ZFAND3: variants seen among roughly 807,000 people sequenced by gnomAD.
ZFAND3 encodes the protein AN1-type zinc finger protein 3.
Under a neutral mutation model 29.6 loss-of-function variants are expected in ZFAND3, and 10 were observed. The ratio of observed to expected loss-of-function variants is 0.34; its 90% CI spans 0.21 to 0.57. The LOEUF (loss-of-function observed/expected upper bound fraction) is 0.57, where lower values mean the gene tolerates loss of function less well. Ranked by LOEUF, ZFAND3 falls within the 20% of genes least tolerant of loss-of-function variation. ZFAND3 has a pLI of 0.86. For synonymous variants in ZFAND3, 128 were observed against 112.6 expected, an observed-to-expected ratio of 1.14 and a Z score of -0.87; for missense variants, 230 against 304.5, an observed-to-expected ratio of 0.76 and a Z score of 1.82.
chr6:37,905,006 A>G (rs1257061056), intron 1 of ZFAND3, among the ~76,000 whole-genome samples: 1 of 152,180 alleles, frequency 6.6e-6, no homozygotes, highest in Non-Finnish European at 1.5e-5. Context: ...TCTTAAAGGT[A>G]ATATAAGTAC....
rs530288810 is a variant in ZFAND3 at position 37,890,290 on chromosome 6, T to A, written c.72-39669T>A. Among the ~76,000 whole-genome samples the A allele has an allele frequency of 5.9e-5, 9 of 152,338 alleles. No homozygotes were observed. In the East Asian group the frequency reaches 1.7e-3, roughly 29 times the overall value. On this transcript the variant is annotated intron_variant, in intron 1 of 5. Transcript: ENST00000287218. The stretch of plus-strand genomic sequence containing the variant: ...TAAATAGCACTTCAGTTTGAGTCCC[T>A]ATAGGTTGACTATTATCAAATTTGA...
At chr6:37,858,833 T>G (rs1764429254) in intron 1 of ZFAND3, among the ~76,000 whole-genome samples, 1 of 152,258 alleles carries the variant, frequency 6.6e-6, no homozygotes, top group Non-Finnish European at 1.5e-5. Context: ...TAATGTTTAA[T>G]TGGCTCTTTC....
intron 2 of ZFAND3, among the ~76,000 whole-genome samples, chr6:38,030,489 T>C (rs946980634): frequency 6.6e-6 from 1 of 152,106 alleles, no homozygotes; most frequent in African/African-American, 2.4e-5. Flanking sequence ...CAACAGAGAA[T>C]TGGGGAACAA....
chr6:37,895,710 A>C (rs773106028), intron 1 of ZFAND3, among the ~76,000 whole-genome samples: 1 of 152,054 alleles, frequency 6.6e-6, no homozygotes, highest in Non-Finnish European at 1.5e-5. Flanking sequence ...TAAATTGTAT[A>C]CCAGAGATTG....
At chr6:38,131,073 A>C (rs554226698) in intron 5 of ZFAND3, among the ~76,000 whole-genome samples, 18 of 152,076 alleles carry the variant, frequency 1.2e-4, no homozygotes, top group Non-Finnish European at 1.8e-4. Context: ...CATCTCGTCT[A>C]GGTTTTTCTA....
At chr6:38,019,807 T>C (rs1213000952) in intron 2 of ZFAND3, among the ~76,000 whole-genome samples, 1 of 152,192 alleles carries the variant, frequency 6.6e-6, no homozygotes, top group Non-Finnish European at 1.5e-5. Context: ...CTGCAACCTC[T>C]GCCTCCTGGG....
chr6:37,823,611 T>C (rs539259337), intron 1 of ZFAND3, among the ~76,000 whole-genome samples: 1 of 152,200 alleles, frequency 6.6e-6, no homozygotes, highest in South Asian at 2.1e-4. Flanking sequence ...CGTTAGTGCT[T>C]GTAACACGTG....
chr6:38,040,497 C>G (rs941634176), intron 2 of ZFAND3, among the ~76,000 whole-genome samples: 6 of 152,152 alleles, frequency 3.9e-5, no homozygotes, highest in African/African-American at 1.4e-4. Context: ...GTGGACACTT[C>G]AGTTGCTTCC....
At chr6:37,967,935 C>T (rs1272301308) in intron 2 of ZFAND3, among the ~76,000 whole-genome samples, 1 of 152,154 alleles carries the variant, frequency 6.6e-6, no homozygotes, top group South Asian at 2.1e-4. Flanking sequence ...ATTTTACTAA[C>T]ATAATCCTCT....
chr6:38,045,782 T>C (rs1162714195), intron 2 of ZFAND3, among the ~76,000 whole-genome samples: 3 of 152,132 alleles, frequency 2.0e-5, no homozygotes, highest in Non-Finnish European at 4.4e-5. Context: ...ACAGATTGAG[T>C]AGTAAGACCA....
intron 2 of ZFAND3, among the ~76,000 whole-genome samples, chr6:38,039,472 TG>T (rs1241219940): frequency 6.6e-6 from 1 of 152,230 alleles, no homozygotes; most frequent in African/African-American, 2.4e-5. Flanking sequence ...CCCCAGGATT[TG>T]CCTCAGAAGG....
intron 1 of ZFAND3, among the ~76,000 whole-genome samples, chr6:37,929,657 C>A (rs1761555028): frequency 6.6e-6 from 1 of 152,030 alleles, no homozygotes; most frequent in African/African-American, 2.4e-5. Context: ...TATAATGTTT[C>A]TGAACTTGCT....
Position 38,060,600 on chromosome 6 carries a change from C to T in ZFAND3, c.113-993C>T, listed in dbSNP as rs116390469. ...CCAAGTAGCTGAGACTACAAGTGTG[C>T]ACCACCACCCTCAGCTCATTTTTTA... On this transcript the variant is annotated intron_variant, in intron 2 of 5. Transcript: ENST00000287218. Among the ~76,000 whole-genome samples the T allele has an allele frequency of 9.5e-3, 1,440 of 151,884 alleles. 15 individuals carry two copies. Among genetic ancestry groups the T allele is most frequent in the African/African-American group, 0.032 (1,331 of 41,382 alleles).
intron 2 of ZFAND3, among the ~76,000 whole-genome samples, chr6:37,971,989 A>G (rs1258175106): frequency 6.6e-6 from 1 of 152,108 alleles, no homozygotes; most frequent in Admixed American, 6.5e-5. Context: ...AAAATAAAAT[A>G]AAATAAAATA....
At chr6:37,893,632 C>A (rs576718899) in intron 1 of ZFAND3, among the ~76,000 whole-genome samples, 4 of 152,270 alleles carry the variant, frequency 2.6e-5, no homozygotes, top group African/African-American at 9.6e-5. Context: ...CGGCTCACTG[C>A]AACCTCTGCC....
At chr6:38,122,809 A>T (rs1363274407) in intron 5 of ZFAND3, among the ~76,000 whole-genome samples, 1 of 152,206 alleles carries the variant, frequency 6.6e-6, no homozygotes, top group Non-Finnish European at 1.5e-5. Context: ...TGATATGGAG[A>T]GGGAGAGATT....
chr6:38,035,052 T>A (rs1305257000), intron 2 of ZFAND3, among the ~76,000 whole-genome samples: 1 of 152,042 alleles, frequency 6.6e-6, no homozygotes, highest in Non-Finnish European at 1.5e-5. Context: ...TAAAGTTGAT[T>A]TCCTGTTGAG....
intron 5 of ZFAND3, among the ~76,000 whole-genome samples, chr6:38,127,385 C>T (rs1337636952): frequency 6.6e-6 from 1 of 152,202 alleles, no homozygotes; most frequent in Non-Finnish European, 1.5e-5. Context: ...TTTGCCATCC[C>T]ATAGACTCAT....
intron 2 of ZFAND3, among the ~76,000 whole-genome samples, chr6:37,982,469 A>G (rs760830763): frequency 3.9e-5 from 6 of 152,224 alleles, no homozygotes; most frequent in Non-Finnish European, 8.8e-5. Context: ...TGTTTGCATC[A>G]AGGGCAGACC....
Sources: allele counts gnomAD v4.1 joint callset (sites outside exome capture counted in the v4.1 genomes callset), GRCh38; gene constraint gnomAD v4.1.1; transcripts MANE v1.5; gene names NCBI Gene and HGNC (gene_info 2026-07-23, HGNC 2026-07-21).